The following LCT variants were observed in gnomAD, a reference collection of about 807,000 sequenced individuals.
The protein encoded by LCT is lactase/phlorizin hydrolase.
Under a neutral mutation model 173.0 loss-of-function variants are expected in LCT, and 90 were observed. The ratio of observed to expected loss-of-function variants is 0.52; its 90% CI spans 0.44 to 0.62. The LOEUF is 0.62. LCT is among the 20% of genes least tolerant of loss of function. The pLI is 0.00. For synonymous variants in LCT, 853 were observed against 957.6 expected, an observed-to-expected ratio of 0.89 and a Z score of 2.02; for missense variants, 1,864 against 2,431.4, an observed-to-expected ratio of 0.77 and a Z score of 4.91.
chr2:135,797,368 C>T (rs1340630288), intron 13 of LCT, among the ~76,000 whole-genome samples: 1 of 152,266 alleles, frequency 6.6e-6, no homozygotes, highest in East Asian at 1.9e-4. Context: ...GGCATGTTCC[C>T]GTGGGCAGTG....
At position 135,788,402 on chromosome 2, in the gene LCT, T is replaced by TGAC; in HGVS notation, c.5703_5705dup (p.Ser1902dup). 6.2e-7 allele frequency: 1 copy of TGAC among 1,614,172 alleles called. No homozygotes were observed. The highest frequency in any genetic ancestry group is 8.5e-7 in the Non-Finnish European group (1 of 1,180,018). On this transcript the variant is annotated inframe_insertion, in exon 17 of 17. Coordinates refer to ENST00000264162, the MANE Select transcript of LCT (RefSeq NM_002299.4). The stretch of plus-strand genomic sequence containing the variant: ...GCTTAGAGCGCTTGCAGTACTTGTA[T>TGAC]GACAGAAATGCCAAGCCACAGACTC...
intron 7 of LCT, among the ~76,000 whole-genome samples, chr2:135,810,601 T>C (rs1307528848): frequency 6.6e-6 from 1 of 152,196 alleles, no homozygotes; most frequent in Non-Finnish European, 1.5e-5. Context: ...TAAATCAATC[T>C]TTTAACAATA....
intron 3 of LCT, among the ~76,000 whole-genome samples, chr2:135,828,710 T>G (rs1019499713): frequency 1.1e-4 from 16 of 152,104 alleles, no homozygotes; most frequent in African/African-American, 3.9e-4. Flanking sequence ...AGAAACCTGG[T>G]AGTTGGATAG....
At chr2:135,812,175 G>A (rs1189704591) in intron 7 of LCT, 136 bp downstream of exon 7, 17 of 775,974 alleles carry the variant, frequency 2.2e-5, no homozygotes, top group Non-Finnish European at 3.2e-5. Context: ...GGGAGCTGAC[G>A]TGAAGGACTC....
intron 1 of LCT, among the ~76,000 whole-genome samples, chr2:135,835,000 A>G (rs1344815005): frequency 6.6e-6 from 1 of 152,022 alleles, no homozygotes. Flanking sequence ...ATAATTTAGT[A>G]CCATGCTTTA....
At chr2:135,805,212 C>T (rs1183912477) in intron 9 of LCT, among the ~76,000 whole-genome samples, 155 bp from the exon 10 acceptor site, 1 of 152,188 alleles carries the variant, frequency 6.6e-6, no homozygotes, top group Non-Finnish European at 1.5e-5. Context: ...GTGGCTCACG[C>T]CGGCAACCCC....
At position 135,834,787 on chromosome 2, in the gene LCT, C is replaced by CAAAAAAA. The variant is rs60298631; in HGVS notation, c.641-1604_641-1598dup. 4.8e-3 allele frequency among the ~76,000 whole-genome samples: 162 copies of CAAAAAAA among 34,018 alleles called. 2 individuals are homozygous for CAAAAAAA. Among genetic ancestry groups the CAAAAAAA allele is most frequent in the East Asian group, 9.7e-3 (5 of 514 alleles). The allele number at this position is 34,018 out of a possible 152,430, so 22.3% of individuals were successfully genotyped here. On this transcript the variant is annotated intron_variant, in intron 1 of 16. Coordinates refer to ENST00000264162, the MANE Select transcript of LCT (RefSeq NM_002299.4). ...TGGACAAAAGAGTGAGACTCCATCT[C>CAAAAAAA]AAAAAAAAAAAAAAAAAAAAAAAGA...
rs753715951 is a variant in LCT, at chr2:135,812,445, G to A, written c.2219C>T (p.Ser740Phe). 26 of 1,614,078 alleles carry A rather than the reference G, an allele frequency of 1.6e-5. No homozygotes were observed. The South Asian group carries it at 2.9e-4, about 18-fold the overall frequency. Residue 740 changes from serine to phenylalanine, a missense_variant, in exon 7 of 17, where the codon TCC becomes TTC. By Grantham distance (155) the Ser-to-Phe change is radical (BLOSUM62 -2). This residue lies in a region of LCT where 755 missense variants were observed against 926.3 expected (regional missense o/e 0.82). Transcript: ENST00000264162. ...AACTTTTCCTCTTGTGTATTCCAGG[G>A]ATACAAACTGCAACAGCCTCCTTAT... is the stretch of plus-strand genomic sequence containing the variant. Reference protein sequence around the residue: ...WGIRRLLQFVSLEYTRGKVPI... With the variant: ...WGIRRLLQFVFLEYTRGKVPI...
intron 7 of LCT, among the ~76,000 whole-genome samples, chr2:135,810,442 G>C (rs1298475307): frequency 2.0e-5 from 3 of 152,136 alleles, no homozygotes; most frequent in Non-Finnish European, 4.4e-5. Flanking sequence ...ATGGATAAAA[G>C]GAAAATCCAC....
rs574558889 is a variant in LCT at position 135,797,076 on chromosome 2, T to C, written c.4976+953A>G. ...AATTCTCTGGCCTCAGCCTCCCAAG[T>C]AGCTGGGATTACAGGCCCCCGCCAC... On this transcript the variant is annotated intron_variant, in intron 13 of 16. Coordinates refer to ENST00000264162, the MANE Select transcript of LCT (RefSeq NM_002299.4). Among the ~76,000 whole-genome samples, 11 of 151,892 alleles carry C rather than the reference T, an allele frequency of 7.2e-5. No individual in the cohort carries two copies. The East Asian group carries it at 1.6e-3, about 21-fold the overall frequency.
Position 135,836,024 on chromosome 2 carries a change from A to AT in LCT, c.640+505dup, listed in dbSNP as rs1175257435. Among the ~76,000 whole-genome samples the AT allele has an allele frequency of 4.0e-4, 42 of 106,176 alleles. 2 individuals are homozygous for AT. Among genetic ancestry groups the AT allele is most frequent in the South Asian group, 1.5e-3 (5 of 3,430 alleles). The allele number at this position is 106,176 out of a possible 152,430, so 69.7% of individuals were successfully genotyped here. ...TATATATATATATATATGTATACAT[A>AT]TTTTTTTTTTTTGAGATTGTGTCTT... On this transcript the variant is annotated intron_variant, in intron 1 of 16. Transcript: ENST00000264162.
At chr2:135,821,929 G>A (rs1192752914) in intron 5 of LCT, 91 bp downstream of exon 5, 5 of 833,926 alleles carry the variant, frequency 6.0e-6, no homozygotes, top group Non-Finnish European at 6.2e-6. Context: ...AAGAGTTGAT[G>A]ACAACAGTCC....
rs1447152269 is a variant in LCT, at chr2:135,810,828, C to A, written c.2354-835G>T. On this transcript the variant is annotated intron_variant, in intron 7 of 16. Transcript: ENST00000264162. ...GATCATGAGGTCAGGAGATTGAGAT[C>A]ATCCTGGCTAACATGGTGAAAACCT... is the stretch of plus-strand genomic sequence containing the variant. Among the ~76,000 whole-genome samples the A allele has an allele frequency of 7.3e-5, 11 of 151,196 alleles. No individual in the cohort carries two copies. The East Asian group carries it at 1.8e-3, about 24-fold the overall frequency.
chr2:135,809,751 T>C lies in LCT; in HGVS notation c.2596A>G (p.Lys866Glu). ...GATGGAAAAGTGAAGGCTCTGACTT[T>C]GGAGGGGAGGTTTACTGTATTAGGT... ...LPPNTVNLPSKVRAFTFPSEV... is the reference protein window; with the variant it reads ...LPPNTVNLPSEVRAFTFPSEV... The change falls in exon 8 of 17, where the codon AAA becomes GAA. Residue 866 changes from lysine (K) to glutamate (E), a missense_variant. Around this residue, in one of 4 missense-constraint regions of LCT, gnomAD observed 755 missense variants for 926.3 expected, o/e 0.82. Transcript: ENST00000264162. The surrounding 1 kb of genome is among the most constrained non-coding windows in gnomAD (Gnocchi z 5.5). The C allele has an allele frequency of 6.2e-7, 1 of 1,614,234 alleles. No individual in the cohort carries two copies. Among genetic ancestry groups the C allele is most frequent in the Non-Finnish European group, 8.5e-7 (1 of 1,180,040 alleles).
Position 135,788,343 on chromosome 2 carries a change from C to T in LCT, c.5765G>A (p.Ser1922Asn), listed in dbSNP as rs2077508323. The T allele has an allele frequency of 6.2e-7, 1 of 1,613,518 alleles. No homozygotes were observed. Among genetic ancestry groups the T allele is most frequent in the South Asian group, 1.1e-5 (1 of 91,074 alleles). ...GKTQRSQQELSPVSSF is the reference protein window; with the variant it reads ...GKTQRSQQELNPVSSF Reference sequence around the variant, plus strand: ...AACTCATCAGAATGAAGACACCGGGCTCAATTCCTGTTGGCTTCGTTGTGT... The same window carrying T: ...AACTCATCAGAATGAAGACACCGGGTTCAATTCCTGTTGGCTTCGTTGTGT... Residue 1922 changes from serine (S) to asparagine (N), a missense_variant, in exon 17 of 17, where the codon AGC (serine) becomes AAC (asparagine). Around this residue, in one of 4 missense-constraint regions of LCT, gnomAD observed 514 missense variants for 750.1 expected, o/e 0.69. Coordinates refer to ENST00000264162, the MANE Select transcript of LCT (RefSeq NM_002299.4).
chr2:135,812,736 G>T lies in LCT; in HGVS notation c.1928C>A (p.Ala643Asp). ...CTGTTGGATCTGGGTCCTCAGGGTG[G>T]CTGGGTAGTCTCCATCCACAAAGAC... Reference protein sequence around the residue: ...HPVFVDGDYPATLRTQIQQMN... With the variant: ...HPVFVDGDYPDTLRTQIQQMN... Residue 643 changes from alanine to aspartate, a missense_variant, in exon 7 of 17, where the codon GCC becomes GAC. Physicochemically the swap from Ala to Asp is moderately radical, Grantham distance 126. Coordinates refer to ENST00000264162, the MANE Select transcript of LCT (RefSeq NM_002299.4). 6.2e-7 allele frequency: 1 copy of T among 1,614,178 alleles called. No homozygotes were observed. The highest frequency in any genetic ancestry group is 8.5e-7 in the Non-Finnish European group (1 of 1,180,026).
chr2:135,808,743 C>T lies in LCT; in HGVS notation c.3604G>A (p.Asp1202Asn), dbSNP rs1315896065. 5.0e-6 allele frequency: 8 copies of T among 1,614,166 alleles called. No homozygotes were observed. The highest frequency in any genetic ancestry group is 1.7e-5 in the Admixed American group (1 of 60,026). ...TAGTACGTGTTGAGGCAGAAGACGT[C>T]GGCCGTCGCCCTGATGAACCTCTTC... ...EEKRFIRATA[D>N]VFCLNTYYSR... Residue 1202 changes from aspartate to asparagine, a missense_variant, in exon 8 of 17, where the codon GAC becomes AAC. Asp to Asn is a conservative substitution (Grantham distance 23). Coordinates refer to ENST00000264162, the MANE Select transcript of LCT (RefSeq NM_002299.4).
intron 16 of LCT, among the ~76,000 whole-genome samples, chr2:135,789,185 A>T (rs1440325212): frequency 3.3e-5 from 5 of 152,238 alleles, no homozygotes; most frequent in African/African-American, 1.2e-4. Flanking sequence ...ATACTCTTAC[A>T]TTTAACAAAT....
rs1478662139 is a variant in LCT, at chr2:135,809,022, C to G, written c.3325G>C (p.Asp1109His). Residue 1109 changes from aspartate (D) to histidine (H), a missense_variant, in exon 8 of 17, where the codon GAT becomes CAT. Asp to His is a moderately conservative substitution (Grantham distance 81). Transcript: ENST00000264162. The surrounding 1 kb of genome is among the most constrained non-coding windows in gnomAD (Gnocchi z 5.5). ...KAHARVYHTY[D>H]EKYRQEQKGV... is the part of the protein sequence containing the mutation. ...TTCTGCTCCTGCCTGTATTTCTCAT[C>G]GTACGTGTGATAGACTCTGGCATGG... 6.2e-7 allele frequency: 1 copy of G among 1,611,486 alleles called. No homozygotes were observed. Among genetic ancestry groups the G allele is most frequent in the African/African-American group, 1.3e-5 (1 of 74,834 alleles).
Sources: gnomAD v4.1 joint callset for allele counts (sites outside exome capture counted in the v4.1 genomes callset) on GRCh38, gnomAD v4.1.1 for gene constraint, gnomAD v4.1.1 regional missense constraint, Gnocchi (gnomAD v3.1) non-coding constraint, MANE v1.5 for transcripts, NCBI Gene and HGNC (gene_info 2026-07-23, HGNC 2026-07-21) for gene names.